DHX8: variants seen among roughly 807,000 people sequenced by gnomAD.
DHX8 encodes the protein ATP-dependent RNA helicase DHX8.
A neutral mutation model predicts 140.7 loss-of-function variants in DHX8; 67 were observed. The ratio of observed to expected loss-of-function variants is 0.48; its 90% confidence interval spans 0.39 to 0.58. The LOEUF (loss-of-function observed/expected upper bound fraction) is 0.58. Ranked by LOEUF, DHX8 falls within the 20% of genes least tolerant of loss-of-function variation. The pLI, the probability that DHX8 is intolerant of heterozygous loss-of-function variation, is 0.00. For synonymous variants in DHX8, 533 were observed against 553.2 expected (o/e 0.96, Z 0.51); for missense variants, 887 against 1,550.7 (o/e 0.57, Z 7.19).
intron 1 of DHX8, among the ~76,000 whole-genome samples, 200 bp from the exon 2 acceptor site, chr17:43,489,249 C>T (rs1449469968): frequency 6.6e-6 from 1 of 152,216 alleles, no homozygotes; most frequent in Non-Finnish European, 1.5e-5. Context: ...AAGTGATCCG[C>T]CTGCCTTGGC....
rs1378432721 is a variant in DHX8, at chr17:43,493,472, C to T, written c.891C>T (p.Ile297=). Residue 297 remains isoleucine, a synonymous_variant, in exon 7 of 23, where the codon ATC becomes ATT. Transcript: ENST00000262415. ...LRKRWEGLVH[I]SELRREGRVA... is the part of the protein sequence containing the mutation. ...AGCGGTGGGAAGGCCTGGTGCACAT[C>T]TCTGAGCTCCGGCGGGAGGGTCGTG... 1 of 1,614,170 alleles carries T rather than the reference C, an allele frequency of 6.2e-7. No homozygotes were observed. Among genetic ancestry groups the T allele is most frequent in the Non-Finnish European group, 8.5e-7 (1 of 1,180,016 alleles).
At chr17:43,492,602 C>A in intron 5 of DHX8, 79 bp from the exon 6 acceptor site, 1 of 818,058 alleles carries the variant, frequency 1.2e-6, no homozygotes, top group Non-Finnish European at 2.0e-6. Flanking sequence ...ATGTGCATGG[C>A]ACTGTACTGG....
intron 13 of DHX8, 70 bp from the exon 14 acceptor site, chr17:43,507,433 G>A: frequency 6.9e-7 from 1 of 1,445,876 alleles, no homozygotes; most frequent in Non-Finnish European, 9.4e-7. Flanking sequence ...TGACTGGGCT[G>A]AAATCTTGCC....
chr17:43,540,183 T>G (rs758610601), intron 3 of DHX8, among the ~76,000 whole-genome samples: 7 of 152,200 alleles, frequency 4.6e-5, no homozygotes, highest in Non-Finnish European at 8.8e-5. Context: ...CCAGGTGTGG[T>G]GGCTCACGCC....
intron 1 of DHX8, among the ~76,000 whole-genome samples, chr17:43,489,100 G>A (rs1968348926): frequency 6.6e-6 from 1 of 152,046 alleles, no homozygotes. Context: ...TGCCTCCCGG[G>A]TTCAAGTGAT....
intron 17 of DHX8, among the ~76,000 whole-genome samples, chr17:43,515,028 A>G (rs1219840017): frequency 6.6e-6 from 1 of 152,006 alleles, no homozygotes; most frequent in Non-Finnish European, 1.5e-5. Flanking sequence ...GTTAGCCAAG[A>G]TTATTTATGG....
intron 10 of DHX8, 142 bp downstream of exon 10, chr17:43,499,101 T>C (rs1372041376): frequency 1.0e-5 from 6 of 600,912 alleles, no homozygotes; most frequent in African/African-American, 8.0e-5. Context: ...TATAATAGTT[T>C]TATTTTAAAT....
In DHX8 at chr17:43,484,008, G is replaced by C. The variant is rs752916620; in HGVS notation, c.-30G>C. On this transcript the variant is annotated 5_prime_UTR_variant, in exon 1 of 23. Coordinates refer to ENST00000262415, the MANE Select transcript of DHX8 (RefSeq NM_004941.3). ...CGGAGTAGCTCTGAGCGCCGGCTGT[G>C]AGGAAGGAGGTTCTGGGCAAGCTAT... The C allele has an allele frequency of 6.8e-6, 11 of 1,612,860 alleles. No homozygotes were observed. Among genetic ancestry groups the C allele is most frequent in the Non-Finnish European group, 9.3e-6 (11 of 1,179,306 alleles).
At chr17:43,491,648 C>T (rs1339994736) in intron 4 of DHX8, among the ~76,000 whole-genome samples, 1 of 151,690 alleles carries the variant, frequency 6.6e-6, no homozygotes, top group Admixed American at 6.6e-5. Context: ...GTTCTAAGTA[C>T]CTGGATAACA....
chr17:43,509,483 TA>T (rs1969687088), intron 16 of DHX8, among the ~76,000 whole-genome samples: 1 of 150,868 alleles, frequency 6.6e-6, no homozygotes, highest in Non-Finnish European at 1.5e-5. Context: ...ACCTCCCACT[TA>T]TTTTTTTTTT....
chr17:43,527,277 C>T (rs1438162474), downstream of DHX8, among the ~76,000 whole-genome samples: 1 of 152,346 alleles, frequency 6.6e-6, no homozygotes, highest in East Asian at 1.9e-4. Context: ...AATCCAGGGC[C>T]TGCTCTAGCC....
At position 43,492,844 on chromosome 17, in the gene DHX8, C is replaced by T. The variant is rs778017608; in HGVS notation, c.667C>T (p.Arg223Trp). 8.1e-6 allele frequency: 13 copies of T among 1,614,028 alleles called. No individual in the cohort carries two copies. The highest frequency in any genetic ancestry group is 5.5e-5 in the South Asian group (5 of 91,076). ...RERNKVKSRY[R>W]SRSRSQSPPK... is the part of the protein sequence containing the mutation. ...GAGGAATAAAGTGAAGTCTAGATAT[C>T]GGTCCAGGAGCAGGAGTCAGAGTCC... The change falls in exon 6 of 23, where the codon CGG (arginine) becomes TGG (tryptophan). Residue 223 changes from arginine to tryptophan, a missense_variant. This residue lies in a region of DHX8 where 304 missense variants were observed against 306.9 expected (regional missense o/e 0.99). Coordinates refer to ENST00000262415, the MANE Select transcript of DHX8 (RefSeq NM_004941.3).
At chr17:43,537,588 C>T (rs1012572298) in intron 3 of DHX8, among the ~76,000 whole-genome samples, 3 of 150,878 alleles carry the variant, frequency 2.0e-5, no homozygotes, top group African/African-American at 4.9e-5. Flanking sequence ...CCCAGCTACT[C>T]GGAAGGCTGA....
At chr17:43,508,611 T>C (rs1247621163) in intron 16 of DHX8, 91 bp downstream of exon 16, 4 of 789,222 alleles carry the variant, frequency 5.1e-6, no homozygotes, top group Non-Finnish European at 7.7e-6. Flanking sequence ...TTAGGGTGTA[T>C]GCAAGTCTTT....
chr17:43,505,605 T>C (rs1201608673), intron 12 of DHX8, among the ~76,000 whole-genome samples: 3 of 152,022 alleles, frequency 2.0e-5, no homozygotes, highest in African/African-American at 7.3e-5. Context: ...ACACACATAC[T>C]TATGTATGTG....
chr17:43,525,601 A>C lies in DHX8; in HGVS notation c.*1754A>C. On this transcript the variant is annotated 3_prime_UTR_variant, in exon 23 of 23. Coordinates refer to ENST00000262415, the MANE Select transcript of DHX8 (RefSeq NM_004941.3). ...GGGACCTCAAATGAAACCAAAGGGG[A>C]AACGGGGACTGGGCACCCACCTCCC... 1 of 985,494 alleles carries C rather than the reference A, an allele frequency of 1.0e-6. No homozygotes were observed. The highest frequency in any genetic ancestry group is 1.2e-6 in the Non-Finnish European group (1 of 830,024). The allele number at this position is 985,494 out of a possible 1,614,324, so 61.0% of individuals were successfully genotyped here.
intron 1 of DHX8, 111 bp downstream of exon 1, chr17:43,484,296 G>C (rs967887895): frequency 9.2e-6 from 12 of 1,300,590 alleles, no homozygotes; most frequent in Non-Finnish European, 1.3e-5. Flanking sequence ...GTGTGAATCT[G>C]TCTCTCTCTG....
intron 22 of DHX8, 91 bp downstream of exon 22, chr17:43,522,317 T>A: frequency 7.9e-7 from 1 of 1,273,736 alleles, no homozygotes; most frequent in Non-Finnish European, 1.1e-6. Flanking sequence ...TCTTCACTAC[T>A]CCCAGTATGT....
chr17:43,519,246 G>A (rs748020875), intron 18 of DHX8: 12 of 152,216 alleles, frequency 7.9e-5, no homozygotes, highest in East Asian at 1.9e-4. Context: ...GATACCTCCC[G>A]TCCTCACTGA....
Sources: gnomAD v4.1 joint callset for allele counts (sites outside exome capture counted in the v4.1 genomes callset) on GRCh38, gnomAD v4.1.1 for gene constraint, gnomAD v4.1.1 regional missense constraint, MANE v1.5 for transcripts, NCBI Gene and HGNC (gene_info 2026-07-23, HGNC 2026-07-21) for gene names.